Variants in ESRRG observed in about 807,000 individuals in gnomAD.
ESRRG encodes the protein estrogen-related receptor gamma.
A neutral mutation model predicts 44.0 loss-of-function variants in ESRRG; 13 were observed. That is an observed-to-expected ratio of 0.30 (90% CI 0.19 to 0.47). The LOEUF (loss-of-function observed/expected upper bound fraction) is 0.47, where lower values mean the gene tolerates loss of function less well. Among genes scored for constraint, ESRRG ranks in the 20% least tolerant of loss-of-function variants. The probability of loss-of-function intolerance (pLI) is 1.00; values close to 1 mark genes in which losing one functional copy is unlikely to be tolerated. For synonymous variants in ESRRG, 215 were observed against 214.6 expected (o/e 1.00, Z -0.02); for missense variants, 395 against 580.6 (o/e 0.68, Z 3.29).
At chr1:216,634,772 G>A (rs1049307718) in intron 3 of ESRRG, among the ~76,000 whole-genome samples, 1 of 152,148 alleles carries the variant, frequency 6.6e-6, no homozygotes, top group Non-Finnish European at 1.5e-5. Flanking sequence ...CAAAATGGGA[G>A]GATGCGTGTG....
intron 1 of ESRRG, among the ~76,000 whole-genome samples, chr1:217,061,239 A>G (rs12144074): frequency 0.013 from 2,040 of 152,238 alleles, 26 homozygotes; most frequent in Middle Eastern, 0.027. Flanking sequence ...CCAGAGCATG[A>G]TTCAACCCCC....
chr1:216,752,717 G>A (rs2092134170), intron 2 of ESRRG, among the ~76,000 whole-genome samples: 1 of 152,074 alleles, frequency 6.6e-6, no homozygotes, highest in Admixed American at 6.6e-5. Flanking sequence ...GGGTATTTTA[G>A]AACAGTAGAG....
chr1:216,970,414 T>C (rs930852229), intron 1 of ESRRG, among the ~76,000 whole-genome samples: 2 of 152,212 alleles, frequency 1.3e-5, no homozygotes, highest in African/African-American at 4.8e-5. Context: ...AAACATAGTG[T>C]CTTCTTCAAC....
chr1:216,983,890 A>G (rs2074422637), intron 1 of ESRRG, among the ~76,000 whole-genome samples: 1 of 152,114 alleles, frequency 6.6e-6, no homozygotes, highest in Non-Finnish European at 1.5e-5. Context: ...CCAGAAGGTG[A>G]AAATGTCCTA....
chr1:216,904,080 T>C (rs1012503239), intron 2 of ESRRG, among the ~76,000 whole-genome samples: 1 of 152,018 alleles, frequency 6.6e-6, no homozygotes, highest in Non-Finnish European at 1.5e-5. Flanking sequence ...AGGGTTGCTG[T>C]ACGTATTAAA....
chr1:216,800,419 A>C (rs2094580659), intron 2 of ESRRG, among the ~76,000 whole-genome samples: 1 of 152,198 alleles, frequency 6.6e-6, no homozygotes. Flanking sequence ...TTGAAAAGCA[A>C]GTACAAATAT....
At chr1:216,933,957 C>T (rs1463119251) in intron 2 of ESRRG, among the ~76,000 whole-genome samples, 1 of 152,170 alleles carries the variant, frequency 6.6e-6, no homozygotes, top group African/African-American at 2.4e-5. Context: ...TGTCAGCACC[C>T]CACTGGCCCG....
chr1:216,600,448 G>A (rs147282801), intron 3 of ESRRG, among the ~76,000 whole-genome samples: 1 of 152,068 alleles, frequency 6.6e-6, no homozygotes, highest in Non-Finnish European at 1.5e-5. Flanking sequence ...AGGGGGGCGG[G>A]TCAGGGGATA....
intron 2 of ESRRG, among the ~76,000 whole-genome samples, chr1:216,787,760 G>A (rs973368649): frequency 2.0e-5 from 3 of 152,096 alleles, no homozygotes; most frequent in African/African-American, 7.2e-5. Flanking sequence ...TAGGCTTCTT[G>A]CACCAAATGG....
intron 2 of ESRRG, among the ~76,000 whole-genome samples, chr1:216,751,869 C>T (rs1002860909): frequency 6.6e-6 from 1 of 152,106 alleles, no homozygotes; most frequent in Non-Finnish European, 1.5e-5. Flanking sequence ...TATTTCCATG[C>T]TGTGGCTGAG....
chr1:216,881,282 A>G (rs1454543365), intron 2 of ESRRG, among the ~76,000 whole-genome samples: 1 of 152,252 alleles, frequency 6.6e-6, no homozygotes, highest in Non-Finnish European at 1.5e-5. Flanking sequence ...ATTATCCTCA[A>G]AATAATTGCA....
intron 1 of ESRRG, among the ~76,000 whole-genome samples, chr1:217,088,607 C>G (rs1206261888): frequency 6.6e-6 from 1 of 151,846 alleles, no homozygotes; most frequent in Non-Finnish European, 1.5e-5. Context: ...ACAACATAAC[C>G]GAGACAAGCA....
intron 2 of ESRRG, among the ~76,000 whole-genome samples, chr1:216,738,415 G>A (rs1330737350): frequency 6.6e-6 from 1 of 152,160 alleles, no homozygotes; most frequent in East Asian, 1.9e-4. Context: ...GCTTATCAAT[G>A]AAGAGCTGAG....
At chr1:216,850,783 T>C (rs1334132023) in intron 2 of ESRRG, among the ~76,000 whole-genome samples, 12 of 152,058 alleles carry the variant, frequency 7.9e-5, no homozygotes, top group Non-Finnish European at 1.3e-4. Flanking sequence ...ATATTGATCA[T>C]AAGTTTCATA....
At chr1:216,703,084 A>T (rs2081740251) in intron 1 of ESRRG, among the ~76,000 whole-genome samples, 1 of 152,226 alleles carries the variant, frequency 6.6e-6, no homozygotes, top group African/African-American at 2.4e-5. Context: ...AAGATTTTTT[A>T]AACATTTAAT....
intron 1 of ESRRG, among the ~76,000 whole-genome samples, chr1:217,119,963 G>A (rs2092797929): frequency 6.6e-6 from 1 of 152,140 alleles, no homozygotes; most frequent in Admixed American, 6.5e-5. Flanking sequence ...ATAAGTACTT[G>A]GGATACAAAA....
chr1:216,739,723 C>G (rs2090426487), intron 2 of ESRRG, among the ~76,000 whole-genome samples: 1 of 152,156 alleles, frequency 6.6e-6, no homozygotes, highest in Non-Finnish European at 1.5e-5. Context: ...AATGAAAACC[C>G]AGCTCACTGC....
intron 3 of ESRRG, among the ~76,000 whole-genome samples, chr1:216,574,831 A>C (rs1409244868): frequency 1.3e-5 from 2 of 152,148 alleles, no homozygotes; most frequent in African/African-American, 4.8e-5. Flanking sequence ...AGACTTCTGA[A>C]ACAATAAGGT....
At chr1:216,635,093 A>G (rs1438081774) in intron 3 of ESRRG, among the ~76,000 whole-genome samples, 1 of 152,142 alleles carries the variant, frequency 6.6e-6, no homozygotes, top group Non-Finnish European at 1.5e-5. Flanking sequence ...TGAGAACTGT[A>G]GTACAGGCAC....
Sources: gnomAD v4.1 joint callset for allele counts (sites outside exome capture counted in the v4.1 genomes callset) on GRCh38, gnomAD v4.1.1 for gene constraint, MANE v1.5 for transcripts, NCBI Gene and HGNC (gene_info 2026-07-23, HGNC 2026-07-21) for gene names.